OAS3: variants seen among roughly 807,000 people sequenced by gnomAD.
The protein encoded by OAS3 is 2'-5'-oligoadenylate synthase 3.
In OAS3, 107 loss-of-function variants were observed where a neutral mutation model predicts 113.0. That is an observed-to-expected ratio of 0.95 (90% confidence interval 0.81 to 1.11). The LOEUF (loss-of-function observed/expected upper bound fraction) is 1.11. Ranked by LOEUF, OAS3 falls within the 50% of genes most tolerant of loss-of-function variation. The pLI is 0.00. For missense variants in OAS3, 1,258 were observed against 1,389.1 expected (o/e 0.91, Z 1.50); for synonymous variants, 552 against 573.6 (o/e 0.96, Z 0.54).
At chr12:112,948,735 C>T (rs926017906) in intron 5 of OAS3, 126 bp from the exon 6 acceptor site, 7 of 746,344 alleles carry the variant, frequency 9.4e-6, no homozygotes, top group African/African-American at 5.3e-5. Context: ...CATGGCCCTC[C>T]CACTTCCCCT....
chr12:112,947,885 GTCCGTTTCAC>G, intron 4 of OAS3, 51 bp from the exon 5 acceptor site: 1 of 1,442,980 alleles, frequency 6.9e-7, no homozygotes, highest in Non-Finnish European at 9.3e-7. Flanking sequence ...TTGGAACCAG[GTCCGTTTCAC>G]TCCAGAGCCC....
rs985238360 is a variant in OAS3 at position 112,944,667 on chromosome 12, A to G, written c.636+16A>G. On this transcript the variant is annotated intron_variant, in intron 3 of 15. Transcript: ENST00000228928. The stretch of plus-strand genomic sequence containing the variant: ...GTACCACCAGGTGAAGCCACTTGGA[A>G]GGGTTTCTCCAGACATGTGACTGTT... The G allele has an allele frequency of 3.7e-6, 6 of 1,613,534 alleles. No individual in the cohort carries two copies. Among genetic ancestry groups the G allele is most frequent in the East Asian group, 2.2e-5 (1 of 44,902 alleles).
Position 112,941,700 on chromosome 12 carries a change from C to A in OAS3, c.308C>A (p.Ala103Glu). ...GCAGAGATCCTCAGTGAGATGCGGG[C>A]ATCGCTGGAATCCTGGTGGCAGAAC... ...RRAEILSEMR[A>E]SLESWWQNPV... Residue 103 changes from alanine (A) to glutamate (E), a missense_variant, in exon 2 of 16, where the codon GCA becomes GAA. Transcript: ENST00000228928. 6.2e-7 allele frequency: 1 copy of A among 1,614,058 alleles called. No homozygotes were observed. The highest frequency in any genetic ancestry group is 8.5e-7 in the Non-Finnish European group (1 of 1,179,902).
At chr12:112,942,577 A>C (rs1398885558) in intron 2 of OAS3, among the ~76,000 whole-genome samples, 1 of 152,008 alleles carries the variant, frequency 6.6e-6, no homozygotes, top group Middle Eastern at 3.2e-3. Context: ...AGCCAGGTGT[A>C]GTAGTACATG....
rs140346130 is a variant in OAS3 at position 112,941,969 on chromosome 12, C to T, written c.460+117C>T. On this transcript the variant is annotated intron_variant, in intron 2 of 15. Transcript: ENST00000228928. ...TGTTTGACCTGGGCCAGCCTCTACC[C>T]CTCTCTCAGCCTCAGTCTGGGGACT... The T allele has an allele frequency of 2.6e-4, 325 of 1,228,538 alleles. 2 individuals are homozygous for T. Among genetic ancestry groups the T allele is most frequent in the Admixed American group, 1.7e-4 (10 of 57,832 alleles). 76.1% of individuals were successfully genotyped at this position (1,228,538 alleles called of 1,614,324 possible). A position where few individuals can be genotyped will look rare whatever the true frequency, so the allele number is the denominator to read the frequency against.
Position 112,969,840 on chromosome 12 carries a change from G to A in OAS3, c.3252+85G>A, listed in dbSNP as rs1018892709. On this transcript the variant is annotated intron_variant, in intron 15 of 15. Transcript: ENST00000228928. ...GGGGAGGGACATGATTCCCACTAAA[G>A]GGGCAGGGCCCAGTGATGGCCCCAG... 2.8e-5 allele frequency: 45 copies of A among 1,592,186 alleles called. No homozygotes were observed. In the Admixed American group the frequency reaches 7.6e-4, roughly 27 times the overall value.
chr12:112,947,376 T>G (rs2043743219), intron 4 of OAS3, among the ~76,000 whole-genome samples: 1 of 152,246 alleles, frequency 6.6e-6, no homozygotes, highest in Non-Finnish European at 1.5e-5. Flanking sequence ...ATAATTACAG[T>G]TGTGCCTTTT....
In OAS3 at chr12:112,951,449, C is replaced by G. The variant is rs370375401; in HGVS notation, c.1657+474C>G. 2.6e-4 allele frequency among the ~76,000 whole-genome samples: 40 copies of G among 152,106 alleles called. 4 individuals carry two copies. Among genetic ancestry groups the G allele is most frequent in the South Asian group, 1.0e-3 (5 of 4,818 alleles). Reference sequence around the variant, plus strand: ...GTATCACATTAGCTACAGGGCAAATCTTTTGTTTGACATGCATAATTTTTA... The same window carrying G: ...GTATCACATTAGCTACAGGGCAAATGTTTTGTTTGACATGCATAATTTTTA... On this transcript the variant is annotated intron_variant, in intron 7 of 15. Transcript: ENST00000228928.
intron 13 of OAS3, among the ~76,000 whole-genome samples, 159 bp from the exon 14 acceptor site, chr12:112,967,777 C>G (rs931213678): frequency 1.3e-5 from 2 of 152,200 alleles, no homozygotes; most frequent in African/African-American, 4.8e-5. Context: ...GGTGATAAAA[C>G]TATGTCACAG....
intron 12 of OAS3, among the ~76,000 whole-genome samples, chr12:112,966,364 G>A (rs992565645): frequency 2.6e-5 from 4 of 152,202 alleles, no homozygotes; most frequent in African/African-American, 9.6e-5. Flanking sequence ...GGACACTGAT[G>A]TTTCTTGCAC....
Position 112,970,304 on chromosome 12 carries a change from TC to T in OAS3, c.*334del. 1 of 410,286 alleles carries T rather than the reference TC, an allele frequency of 2.4e-6. No homozygotes were observed. Among genetic ancestry groups the T allele is most frequent in the Non-Finnish European group, 4.5e-6 (1 of 224,544 alleles). 25.4% of individuals were successfully genotyped at this position (410,286 alleles called of 1,614,324 possible). On this transcript the variant is annotated 3_prime_UTR_variant, in exon 16 of 16. Coordinates refer to ENST00000228928, the MANE Select transcript of OAS3 (RefSeq NM_006187.4). ...CCACCCAGCTGAGAATGCCCCCTCC[TC>T]CCTGACTCCTCTCTGCCCATGCAAA...
chr12:112,946,802 G>T lies in OAS3; in HGVS notation c.696G>T (p.Leu232=). The T allele has an allele frequency of 6.2e-7, 1 of 1,613,608 alleles. No homozygotes were observed. The highest frequency in any genetic ancestry group is 1.1e-5 in the South Asian group (1 of 90,926). Residue 232 remains leucine (L), a synonymous_variant, in exon 4 of 16, where the codon CTG becomes CTT. Transcript: ENST00000228928. ...TLPPVYALEL[L]TIFAWEQGCK... ...CCCCGGTCTATGCCCTGGAATTGCT[G>T]ACCATCTTCGCCTGGGAGCAGGGCT...
intron 4 of OAS3, 34 bp from the exon 5 acceptor site, chr12:112,947,912 T>G: frequency 6.5e-7 from 1 of 1,542,742 alleles, no homozygotes; most frequent in South Asian, 1.2e-5. Flanking sequence ...GCCCTCTTGC[T>G]AACCAGAACC....
At position 112,962,656 on chromosome 12, in the gene OAS3, C is replaced by A. The variant is rs371708909; in HGVS notation, c.1838C>A (p.Ala613Glu). 10 of 1,613,050 alleles carry A rather than the reference C, an allele frequency of 6.2e-6. No homozygotes were observed. The highest frequency in any genetic ancestry group is 7.6e-6 in the Non-Finnish European group (9 of 1,179,118). Residue 613 changes from alanine to glutamate, a missense_variant, in exon 9 of 16, where the codon GCG (alanine) becomes GAG (glutamate). Transcript: ENST00000228928. ...LLVKHWYRQV[A>E]AQNKGKGPAP... ...GGTTGGCCTTGTGTGACACAGGTTGCGGCTCAGAACAAAGGAAAAGGACCA... is the reference window on the plus strand; with the variant it reads ...GGTTGGCCTTGTGTGACACAGGTTGAGGCTCAGAACAAAGGAAAAGGACCA...
rs1593185382 is a variant in OAS3, at chr12:112,965,986, C to G, written c.2646C>G (p.Asp882Glu). 1 of 1,614,032 alleles carries G rather than the reference C, an allele frequency of 6.2e-7. No individual in the cohort carries two copies. Among genetic ancestry groups the G allele is most frequent in the East Asian group, 2.2e-5 (1 of 44,886 alleles). The change falls in exon 12 of 16, where the codon GAC becomes GAG. Residue 882 changes from aspartate to glutamate, a missense_variant. Coordinates refer to ENST00000228928, the MANE Select transcript of OAS3 (RefSeq NM_006187.4). ...CACTGACATCCCAGACGATGCTGGA[C>G]CAGAGTGTGGACTTTGATGTGCTGC... ...SFSLTSQTMLDQSVDFDVLPA... is the reference protein window; with the variant it reads ...SFSLTSQTMLEQSVDFDVLPA...
rs1212401080 is a variant in OAS3 at position 112,963,544 on chromosome 12, G to A, written c.2229+87G>A. 8.4e-6 allele frequency: 11 copies of A among 1,307,466 alleles called. No homozygotes were observed. The highest frequency in any genetic ancestry group is 1.1e-5 in the Non-Finnish European group (11 of 1,000,464). 81.0% of individuals were successfully genotyped at this position (1,307,466 alleles called of 1,614,324 possible). ...TAACCTGCCGGTGCACCCATCCCCA[G>A]CTGCTAGGAGTGTTGGTGGCTGACA... On this transcript the variant is annotated intron_variant, in intron 10 of 15. Coordinates refer to ENST00000228928, the MANE Select transcript of OAS3 (RefSeq NM_006187.4). The surrounding 1 kb of genome is among the most constrained non-coding windows in gnomAD (Gnocchi z 4.6).
chr12:112,965,722 C>A, intron 11 of OAS3, 22 bp from the exon 12 acceptor site: 1 of 1,592,300 alleles, frequency 6.3e-7, no homozygotes, highest in African/African-American at 1.3e-5. Flanking sequence ...AAGGGTTGAG[C>A]CACCTGCCAT....
At chr12:112,952,085 T>A (rs1204931681) in intron 7 of OAS3, among the ~76,000 whole-genome samples, 1 of 152,176 alleles carries the variant, frequency 6.6e-6, no homozygotes, top group Non-Finnish European at 1.5e-5. Flanking sequence ...GCTCGGATAA[T>A]TTTTTGTTTG....
chr12:112,945,862 C>T (rs2043723316), intron 3 of OAS3, among the ~76,000 whole-genome samples: 1 of 152,186 alleles, frequency 6.6e-6, no homozygotes, highest in Admixed American at 6.5e-5. Flanking sequence ...TATGGTGGCT[C>T]ACGCCTGTGG....
Sources: gnomAD v4.1 joint callset for allele counts (sites outside exome capture counted in the v4.1 genomes callset) on GRCh38, gnomAD v4.1.1 for gene constraint, Gnocchi (gnomAD v3.1) non-coding constraint, MANE v1.5 for transcripts, NCBI Gene and HGNC (gene_info 2026-07-23, HGNC 2026-07-21) for gene names.